Variants in CDH4 observed in about 807,000 individuals in gnomAD.
CDH4 encodes cadherin 4.
CDH4 carries 33 observed loss-of-function variants against 86.0 expected under a neutral mutation model. The ratio of observed to expected loss-of-function variants is 0.38; its 90% CI spans 0.29 to 0.51. The LOEUF is 0.51. Ranked by LOEUF, CDH4 falls within the 20% of genes least tolerant of loss-of-function variation. The pLI, the probability that CDH4 is intolerant of heterozygous loss-of-function variation, is 0.86. For synonymous variants in CDH4, 555 were observed against 549.4 expected (o/e 1.01, Z -0.14); for missense variants, 1,114 against 1,307.4 (o/e 0.85, Z 2.28).
intron 2 of CDH4, among the ~76,000 whole-genome samples, chr20:61,706,331 C>T (rs937456508): frequency 6.6e-6 from 1 of 152,104 alleles, no homozygotes; most frequent in South Asian, 2.1e-4. Flanking sequence ...GATGAGAGAC[C>T]GGATACCCCA....
At chr20:61,470,546 T>G (rs1357427700) in intron 2 of CDH4, among the ~76,000 whole-genome samples, 1 of 152,154 alleles carries the variant, frequency 6.6e-6, no homozygotes, top group African/African-American at 2.4e-5. Context: ...GTCTAATTGC[T>G]GTAGCTAAGA....
intron 2 of CDH4, among the ~76,000 whole-genome samples, chr20:61,308,403 GGGA>G (rs2084428823): frequency 6.6e-6 from 1 of 152,212 alleles, no homozygotes; most frequent in African/African-American, 2.4e-5. Flanking sequence ...GTCTTTTGTG[GGGA>G]GGAGAAGGCA....
At chr20:61,529,761 C>T (rs2085938268) in intron 2 of CDH4, among the ~76,000 whole-genome samples, 1 of 152,196 alleles carries the variant, frequency 6.6e-6, no homozygotes, top group Admixed American at 6.5e-5. Context: ...GTCTTCAGAA[C>T]TTCTCGTTCT....
chr20:61,553,516 GA>G (rs2086150989), intron 2 of CDH4, among the ~76,000 whole-genome samples: 1 of 152,216 alleles, frequency 6.6e-6, no homozygotes, highest in Non-Finnish European at 1.5e-5. Flanking sequence ...AAAGACGTGT[GA>G]ACATCCTTGT....
At chr20:61,668,172 G>A (rs1393367816) in intron 2 of CDH4, among the ~76,000 whole-genome samples, 1 of 152,224 alleles carries the variant, frequency 6.6e-6, no homozygotes, top group African/African-American at 2.4e-5. Context: ...TCATCCCAGG[G>A]AAGCCGAGCT....
At chr20:61,560,437 C>T (rs1396490580) in intron 2 of CDH4, among the ~76,000 whole-genome samples, 1 of 152,202 alleles carries the variant, frequency 6.6e-6, no homozygotes, top group East Asian at 1.9e-4. Context: ...TTATTTGAAA[C>T]TTTATGGGTG....
rs1036346622 is a variant in CDH4, at chr20:61,937,145, G to A, written c.*202G>A. The A allele has an allele frequency of 3.9e-5, 15 of 386,730 alleles. 1 individual carries two copies. The South Asian group carries it at 4.0e-4, about 10-fold the overall frequency. The allele number at this position is 386,730 out of a possible 1,614,324, so 24.0% of individuals were successfully genotyped here. A position where few individuals can be genotyped will look rare whatever the true frequency, so the allele number is the denominator to read the frequency against. On this transcript the variant is annotated 3_prime_UTR_variant, in exon 16 of 16. Coordinates refer to ENST00000614565, the MANE Select transcript of CDH4 (RefSeq NM_001794.5). ...GCACCCGGCCGCTGCCCAGCACCGC[G>A]CTGGCTGGCACTGAAGGACAGCAAG...
Position 61,718,451 on chromosome 20 carries a change from G to A in CDH4, c.170-25112G>A, listed in dbSNP as rs140847233. 1,476 of 245,482 alleles carry A rather than the reference G, an allele frequency of 6.0e-3. 25 individuals are homozygous for A. The highest frequency in any genetic ancestry group is 0.031 in the South Asian group (527 of 16,824). The allele number at this position is 245,482 out of a possible 1,614,324, so 15.2% of individuals were successfully genotyped here. A position where few individuals can be genotyped will look rare whatever the true frequency, so the allele number is the denominator to read the frequency against. Reference sequence around the variant, plus strand: ...GGCTCTGGACACACCCAACACAGAAGGAGGCAGGTGCCTGCTAAGGCTGAC... The same window carrying A: ...GGCTCTGGACACACCCAACACAGAAAGAGGCAGGTGCCTGCTAAGGCTGAC... On this transcript the variant is annotated intron_variant, in intron 2 of 15. Coordinates refer to ENST00000614565, the MANE Select transcript of CDH4 (RefSeq NM_001794.5).
intron 2 of CDH4, among the ~76,000 whole-genome samples, chr20:61,494,819 G>A (rs761722541): frequency 1.6e-4 from 25 of 152,370 alleles, no homozygotes; most frequent in Non-Finnish European, 3.5e-4. Flanking sequence ...ATTTTCTCCT[G>A]GAAGGTGGAG....
At chr20:61,792,784 G>A (rs149453363) in intron 4 of CDH4, among the ~76,000 whole-genome samples, 379 of 152,054 alleles carry the variant, frequency 2.5e-3, no homozygotes, top group African/African-American at 7.2e-3. Flanking sequence ...CCGAGTAGCT[G>A]GGATTACAGG....
intron 2 of CDH4, among the ~76,000 whole-genome samples, chr20:61,520,046 T>C (rs1238310367): frequency 3.9e-5 from 6 of 152,198 alleles, no homozygotes; most frequent in Admixed American, 3.9e-4. Context: ...TTCTAGGCTA[T>C]TGACTATCCA....
chr20:61,805,771 G>A (rs994214286), intron 4 of CDH4, among the ~76,000 whole-genome samples: 4 of 152,316 alleles, frequency 2.6e-5, no homozygotes, highest in Middle Eastern at 3.4e-3. Flanking sequence ...CTCTCACACC[G>A]GCCATCACCC....
At chr20:61,499,493 G>A (rs1259361419) in intron 2 of CDH4, 1 of 1,289,094 alleles carries the variant, frequency 7.8e-7, no homozygotes, top group Non-Finnish European at 1.0e-6. Context: ...TTTAAAGAAG[G>A]CAAGTGTGAG....
chr20:61,864,621 G>T (rs1428485279), intron 6 of CDH4, among the ~76,000 whole-genome samples: 1 of 152,180 alleles, frequency 6.6e-6, no homozygotes, highest in African/African-American at 2.4e-5. Flanking sequence ...CAGAGGCACC[G>T]CAGCTCCCTC....
chr20:61,546,597 T>C (rs762380331), intron 2 of CDH4, among the ~76,000 whole-genome samples: 1 of 151,742 alleles, frequency 6.6e-6, no homozygotes, highest in Non-Finnish European at 1.5e-5. Flanking sequence ...GGGGGGTGTG[T>C]GTTTCCCTCT....
intron 2 of CDH4, among the ~76,000 whole-genome samples, chr20:61,596,096 G>A (rs1438891295): frequency 6.6e-6 from 1 of 152,232 alleles, no homozygotes; most frequent in African/African-American, 2.4e-5. Context: ...AGAGCATGAG[G>A]CCAAGCTGGA....
At chr20:61,828,676 T>C (rs1206569174) in intron 4 of CDH4, among the ~76,000 whole-genome samples, 3 of 152,228 alleles carry the variant, frequency 2.0e-5, no homozygotes, top group Non-Finnish European at 2.9e-5. Flanking sequence ...TCCTGCAGGC[T>C]TGGCTCAGCT....
intron 4 of CDH4, among the ~76,000 whole-genome samples, chr20:61,837,951 C>G (rs1981954945): frequency 6.6e-6 from 1 of 152,106 alleles, no homozygotes; most frequent in East Asian, 1.9e-4. Flanking sequence ...TTTATTTTCC[C>G]TCGTGCAGAG....
intron 9 of CDH4, among the ~76,000 whole-genome samples, chr20:61,921,514 G>A (rs975681081): frequency 6.6e-6 from 1 of 152,254 alleles, no homozygotes; most frequent in Non-Finnish European, 1.5e-5. Context: ...CACTTTGGGA[G>A]GCCGAGGCAG....
Sources: gnomAD v4.1 joint callset for allele counts (sites outside exome capture counted in the v4.1 genomes callset) on GRCh38, gnomAD v4.1.1 for gene constraint, MANE v1.5 for transcripts, NCBI Gene and HGNC (gene_info 2026-07-23, HGNC 2026-07-21) for gene names.